CROT: variants seen among roughly 807,000 people sequenced by gnomAD.
CROT encodes the protein peroxisomal carnitine O-octanoyltransferase.
CROT carries 84 observed loss-of-function variants against 89.2 expected under a neutral mutation model. That is an observed-to-expected ratio of 0.94 (90% CI 0.79 to 1.13). The LOEUF (loss-of-function observed/expected upper bound fraction) is 1.13. Ranked by LOEUF, CROT falls within the 50% of genes most tolerant of loss-of-function variation. The probability of loss-of-function intolerance (pLI) is 0.00; values close to 1 mark genes in which losing one functional copy is unlikely to be tolerated. For synonymous variants in CROT, 212 were observed against 239.5 expected (o/e 0.89, Z 1.06); for missense variants, 711 against 727.8 (o/e 0.98, Z 0.27).
chr7:87,370,236 G>A (rs1000893678), intron 7 of CROT, among the ~76,000 whole-genome samples: 2 of 152,068 alleles, frequency 1.3e-5, no homozygotes, highest in African/African-American at 4.8e-5. Flanking sequence ...AGGCTGGAGT[G>A]CAGAGGCACA....
intron 4 of CROT, chr7:87,360,179 T>G: frequency 1.3e-6 from 1 of 771,286 alleles, no homozygotes; most frequent in Non-Finnish European, 1.6e-6. Flanking sequence ...TTATAGTTTA[T>G]AACATCACTT....
intron 3 of CROT, among the ~76,000 whole-genome samples, chr7:87,354,757 T>G (rs1342874037): frequency 2.0e-5 from 3 of 152,194 alleles, no homozygotes; most frequent in African/African-American, 4.8e-5. Context: ...TTTATAAAAG[T>G]AAAAGTAAAA....
At chr7:87,354,160 T>A (rs754873551) in intron 3 of CROT, among the ~76,000 whole-genome samples, 2 of 152,172 alleles carry the variant, frequency 1.3e-5, no homozygotes, top group South Asian at 2.1e-4. Flanking sequence ...AAAGTGATAA[T>A]GAAAATGCTT....
chr7:87,376,970 G>A lies in CROT; in HGVS notation c.877-379G>A, dbSNP rs116655160. Among the ~76,000 whole-genome samples, 1,062 of 152,142 alleles carry A rather than the reference G, an allele frequency of 7.0e-3. 13 individuals carry two copies. Among genetic ancestry groups the A allele is most frequent in the African/African-American group, 0.024 (995 of 41,518 alleles). ...TTGAAAAACAGGTTTAGTAGGAAAC[G>A]AATTCTTAAAATATTTCCTCCTAAC... On this transcript the variant is annotated intron_variant, in intron 9 of 17. Coordinates refer to ENST00000331536, the MANE Select transcript of CROT (RefSeq NM_021151.4).
intron 3 of CROT, among the ~76,000 whole-genome samples, chr7:87,358,470 A>T (rs1806166006): frequency 7.8e-6 from 1 of 128,966 alleles, no homozygotes; most frequent in Admixed American, 8.8e-5. Context: ...CGACAGAGCG[A>T]GACTCCATCT....
chr7:87,354,427 G>T lies in CROT; in HGVS notation c.116-4779G>T, dbSNP rs756029443. 7 of 517,430 alleles carry T rather than the reference G, an allele frequency of 1.4e-5. No individual in the cohort carries two copies. In the East Asian group the frequency reaches 3.8e-4, roughly 28 times the overall value. The allele number at this position is 517,430 out of a possible 1,614,324, so 32.1% of individuals were successfully genotyped here. On this transcript the variant is annotated intron_variant, in intron 3 of 17. Coordinates refer to ENST00000331536, the MANE Select transcript of CROT (RefSeq NM_021151.4). ...TGGACCTAGGAAGAGTATATTCAAG[G>T]TTATGATTATAGCATAGGATTACCT...
intron 17 of CROT, among the ~76,000 whole-genome samples, chr7:87,397,984 G>A (rs1290372390): frequency 6.6e-6 from 1 of 152,144 alleles, no homozygotes; most frequent in African/African-American, 2.4e-5. Flanking sequence ...TCACTTGCCA[G>A]ATCTGGGATT....
At chr7:87,381,178 A>G (rs1488436055) in intron 10 of CROT, among the ~76,000 whole-genome samples, 1 of 152,176 alleles carries the variant, frequency 6.6e-6, no homozygotes, top group African/African-American at 2.4e-5. Flanking sequence ...ATCATGAATG[A>G]TATCTGTGTC....
rs1404931931 is a variant in CROT, at chr7:87,398,984, T to A, written c.*340T>A. On this transcript the variant is annotated 3_prime_UTR_variant, in exon 18 of 18. Coordinates refer to ENST00000331536, the MANE Select transcript of CROT (RefSeq NM_021151.4). ...TTAAGTATTTTTGTTGGTACTTACA[T>A]GGGTTATAAATCCTCTCTCTGGACA... 1 of 233,966 alleles carries A rather than the reference T, an allele frequency of 4.3e-6. No homozygotes were observed. The highest frequency in any genetic ancestry group is 1.3e-4 in the East Asian group (1 of 7,822). 14.5% of individuals were successfully genotyped at this position (233,966 alleles called of 1,614,324 possible).
chr7:87,367,070 G>A (rs1219691573), intron 6 of CROT, among the ~76,000 whole-genome samples: 1 of 152,198 alleles, frequency 6.6e-6, no homozygotes, highest in Non-Finnish European at 1.5e-5. Context: ...GTCCCCCATA[G>A]ATGTCTACTT....
chr7:87,349,208 T>C (rs368674447), intron 3 of CROT, 25 bp downstream of exon 3: 24 of 1,096,092 alleles, frequency 2.2e-5, no homozygotes, highest in African/African-American at 3.2e-5. Context: ...TTTTAGTATA[T>C]ATTAATATTA....
chr7:87,380,768 G>A (rs1162723380), intron 10 of CROT, among the ~76,000 whole-genome samples: 1 of 152,172 alleles, frequency 6.6e-6, no homozygotes, highest in Non-Finnish European at 1.5e-5. Flanking sequence ...ACTGGCTCCA[G>A]TAAAATAGTT....
chr7:87,390,706 TG>T (rs1286767442), intron 13 of CROT, among the ~76,000 whole-genome samples: 2 of 152,204 alleles, frequency 1.3e-5, no homozygotes, highest in Non-Finnish European at 2.9e-5. Context: ...GATATCACCC[TG>T]GGGAACTTCT....
At chr7:87,381,462 G>A (rs1253248879) in intron 10 of CROT, among the ~76,000 whole-genome samples, 1 of 152,110 alleles carries the variant, frequency 6.6e-6, no homozygotes, top group African/African-American at 2.4e-5. Flanking sequence ...TATTCACTAA[G>A]TGGCCTAAGT....
intron 17 of CROT, among the ~76,000 whole-genome samples, chr7:87,397,963 G>C (rs1807596410): frequency 6.6e-6 from 1 of 151,978 alleles, no homozygotes; most frequent in African/African-American, 2.4e-5. Flanking sequence ...AGCTTCCCAG[G>C]GCCACTTTTC....
At chr7:87,361,153 G>C (rs956056540) in intron 4 of CROT, among the ~76,000 whole-genome samples, 1 of 150,968 alleles carries the variant, frequency 6.6e-6, no homozygotes, top group Non-Finnish European at 1.5e-5. Context: ...TGTAGAGACA[G>C]GGTCTTTCTA....
intron 3 of CROT, chr7:87,357,606 C>T (rs763119419): frequency 1.0e-6 from 1 of 979,888 alleles, no homozygotes; most frequent in African/African-American, 1.6e-5. Flanking sequence ...TTGCAGAGTG[C>T]AGTGAGAAGA....
At chr7:87,369,076 A>T (rs995918515) in intron 6 of CROT, among the ~76,000 whole-genome samples, 1 of 152,040 alleles carries the variant, frequency 6.6e-6, no homozygotes, top group African/African-American at 2.4e-5. Flanking sequence ...TCCCCTTCCC[A>T]TTTCTGTTCC....
intron 13 of CROT, among the ~76,000 whole-genome samples, chr7:87,390,792 C>G (rs1807334161): frequency 6.6e-6 from 1 of 152,188 alleles, no homozygotes; most frequent in Admixed American, 6.5e-5. Context: ...CTCTGTATTA[C>G]CTATTTCTGT....
Sources: gnomAD v4.1 joint callset for allele counts (sites outside exome capture counted in the v4.1 genomes callset) on GRCh38, gnomAD v4.1.1 for gene constraint, MANE v1.5 for transcripts, NCBI Gene and HGNC (gene_info 2026-07-23, HGNC 2026-07-21) for gene names.